Variants in VPS13C observed in about 807,000 individuals in gnomAD.
VPS13C encodes vacuolar protein sorting 13 homolog C, also known as intermembrane lipid transfer protein VPS13C.
Under a neutral mutation model 456.8 loss-of-function variants are expected in VPS13C, and 358 were observed. The ratio of observed to expected loss-of-function variants is 0.78; its 90% CI spans 0.72 to 0.86. The LOEUF (loss-of-function observed/expected upper bound fraction) is 0.86, where lower values mean the gene tolerates loss of function less well. Among genes scored for constraint, VPS13C ranks in the 40% least tolerant of loss-of-function variants. VPS13C has a pLI of 0.00. For synonymous variants in VPS13C, 1,578 were observed against 1,486.7 expected, an observed-to-expected ratio of 1.06 and a Z score of -1.41; for missense variants, 4,818 against 4,385.4, an observed-to-expected ratio of 1.10 and a Z score of -2.79.
chr15:61,921,277 T>G (rs2043645271), intron 55 of VPS13C, among the ~76,000 whole-genome samples: 1 of 152,100 alleles, frequency 6.6e-6, no homozygotes, highest in Non-Finnish European at 1.5e-5. Context: ...TGGAGTCAGT[T>G]TCAGTGCCTG....
At position 61,940,803 on chromosome 15, in the gene VPS13C, A is replaced by G. The variant is rs2044395345; in HGVS notation, c.5454-9T>C. ...TAGCCTGCAAAATAGTTCTGAAAGA[A>G]AAACAAGAATTTATTTTTTACTTCA... On this transcript the variant is annotated splice_polypyrimidine_tract_variant and intron_variant, in intron 46 of 84. Transcript: ENST00000644861. The G allele has an allele frequency of 1.5e-5, 24 of 1,605,220 alleles. No individual in the cohort carries two copies. The highest frequency in any genetic ancestry group is 2.0e-5 in the Non-Finnish European group (23 of 1,175,454).
intron 66 of VPS13C, among the ~76,000 whole-genome samples, chr15:61,893,531 A>T (rs536163603): frequency 1.3e-5 from 2 of 152,036 alleles, no homozygotes; most frequent in African/African-American, 4.8e-5. Context: ...ATGAAAAAAA[A>T]ATTTGGAGGC....
chr15:62,007,099 T>A (rs2046876745), intron 15 of VPS13C, among the ~76,000 whole-genome samples: 1 of 152,132 alleles, frequency 6.6e-6, no homozygotes, highest in Non-Finnish European at 1.5e-5. Context: ...AGTAACCTTA[T>A]TTTATCTGAT....
chr15:62,027,775 A>C (rs1301853396), intron 6 of VPS13C, among the ~76,000 whole-genome samples: 1 of 152,102 alleles, frequency 6.6e-6, no homozygotes, highest in Non-Finnish European at 1.5e-5. Context: ...ATATAAAAGA[A>C]TCATATCATA....
chr15:61,951,135 C>T lies in VPS13C; in HGVS notation c.4457-111G>A, dbSNP rs570371981. On this transcript the variant is annotated intron_variant, in intron 39 of 84. Coordinates refer to ENST00000644861, the MANE Select transcript of VPS13C (RefSeq NM_020821.3). ...ACATTTGTCAAAACTCAGGACTGTACACTAAAAAGAGTGAAGTATGTTCTG... is the reference window on the plus strand; with the variant it reads ...ACATTTGTCAAAACTCAGGACTGTATACTAAAAAGAGTGAAGTATGTTCTG... 157 of 609,854 alleles carry T rather than the reference C, an allele frequency of 2.6e-4. No individual in the cohort carries two copies. In the African/African-American group the frequency reaches 2.7e-3, roughly 10 times the overall value. The allele number at this position is 609,854 out of a possible 1,614,324, so 37.8% of individuals were successfully genotyped here.
intron 79 of VPS13C, among the ~76,000 whole-genome samples, chr15:61,870,573 A>C (rs896936895): frequency 6.6e-6 from 1 of 152,184 alleles, no homozygotes; most frequent in Non-Finnish European, 1.5e-5. Context: ...GTTATTTTGA[A>C]TAATGGTGCT....
chr15:61,861,471 T>G (rs1004532870), intron 82 of VPS13C, among the ~76,000 whole-genome samples: 3 of 152,172 alleles, frequency 2.0e-5, no homozygotes, highest in African/African-American at 4.8e-5. Context: ...TAAATTTTAC[T>G]ATCTGTCCCT....
chr15:61,922,132 CATT>C lies in VPS13C; in HGVS notation c.6976-102_6976-100del, dbSNP rs554352318. 1.9e-4 allele frequency: 249 copies of C among 1,283,770 alleles called. 1 individual carries two copies. The African/African-American group carries it at 3.5e-3, about 18-fold the overall frequency. 79.5% of individuals were successfully genotyped at this position (1,283,770 alleles called of 1,614,324 possible). A position where few individuals can be genotyped will look rare whatever the true frequency, so the allele number is the denominator to read the frequency against. ...TTATTAAGTAATCAATGTTATATAT[CATT>C]AGCCATTTTCAAAACCCATCTAACA... On this transcript the variant is annotated intron_variant, in intron 54 of 84. Coordinates refer to ENST00000644861, the MANE Select transcript of VPS13C (RefSeq NM_020821.3).
chr15:61,963,020 C>G (rs1239045912), intron 32 of VPS13C, among the ~76,000 whole-genome samples, 168 bp from the exon 33 acceptor site: 1 of 151,878 alleles, frequency 6.6e-6, no homozygotes, highest in Non-Finnish European at 1.5e-5. Flanking sequence ...TTATAAACAC[C>G]AAAACCTATA....
chr15:61,980,394 G>A (rs1161308644), intron 22 of VPS13C, among the ~76,000 whole-genome samples: 2 of 152,042 alleles, frequency 1.3e-5, no homozygotes, highest in African/African-American at 4.8e-5. Flanking sequence ...ACTTTCTGGA[G>A]GCCCAAAGAA....
intron 9 of VPS13C, among the ~76,000 whole-genome samples, chr15:62,015,994 T>G (rs2047233274): frequency 6.8e-6 from 1 of 147,416 alleles, no homozygotes; most frequent in South Asian, 2.1e-4. Context: ...ACTAGTTTCC[T>G]TCACTGCCTT....
At chr15:62,002,613 G>C (rs1026535381) in intron 15 of VPS13C, among the ~76,000 whole-genome samples, 1 of 152,164 alleles carries the variant, frequency 6.6e-6, no homozygotes, top group African/African-American at 2.4e-5. Flanking sequence ...GTCCTGAATG[G>C]TAATGTCTAG....
At chr15:61,877,544 T>C (rs989087440) in intron 74 of VPS13C, among the ~76,000 whole-genome samples, 1 of 151,116 alleles carries the variant, frequency 6.6e-6, no homozygotes, top group African/African-American at 2.4e-5. Context: ...AAATAATTAA[T>C]GATGCCATGC....
intron 67 of VPS13C, among the ~76,000 whole-genome samples, chr15:61,887,651 A>G (rs1896367287): frequency 6.6e-6 from 1 of 152,200 alleles, no homozygotes; most frequent in African/African-American, 2.4e-5. Context: ...TGATTACACC[A>G]CTGCACTCCA....
chr15:62,042,885 G>C (rs1019377352), intron 2 of VPS13C, among the ~76,000 whole-genome samples: 1 of 150,428 alleles, frequency 6.6e-6, no homozygotes, highest in Admixed American at 6.6e-5. Context: ...CTGCACATTG[G>C]GCACATGTAC....
At chr15:61,872,152 GACTTA>G (rs1173625746) in intron 78 of VPS13C, 118 bp from the exon 79 acceptor site, 10 of 736,382 alleles carry the variant, frequency 1.4e-5, no homozygotes, top group African/African-American at 7.1e-5. Context: ...AAAAATTGAA[GACTTA>G]ACTTGATAAT....
intron 5 of VPS13C, 88 bp from the exon 6 acceptor site, chr15:62,028,508 T>C: frequency 3.9e-6 from 5 of 1,272,582 alleles, no homozygotes; most frequent in Non-Finnish European, 5.6e-6. Flanking sequence ...TAAATTTAAT[T>C]TCATATAATT....
intron 16 of VPS13C, among the ~76,000 whole-genome samples, chr15:61,997,983 G>C (rs2046448896): frequency 1.3e-5 from 2 of 152,240 alleles, no homozygotes; most frequent in South Asian, 4.1e-4. Flanking sequence ...TGGCTTGTAA[G>C]ATGCTACACA....
chr15:61,978,393 T>G (rs768461693), intron 23 of VPS13C, among the ~76,000 whole-genome samples: 4 of 152,168 alleles, frequency 2.6e-5, no homozygotes, highest in Non-Finnish European at 5.9e-5. Context: ...ATGAATAGGC[T>G]TAGATTGAAA....
Sources: allele counts gnomAD v4.1 joint callset (sites outside exome capture counted in the v4.1 genomes callset), GRCh38; gene constraint gnomAD v4.1.1; transcripts MANE v1.5; gene names NCBI Gene and HGNC (gene_info 2026-07-23, HGNC 2026-07-21).